Variants in ABCC8 observed in about 807,000 individuals in gnomAD.
ABCC8 encodes the protein ATP-binding cassette sub-family C member 8.
In ABCC8, 137 loss-of-function variants were observed where a neutral mutation model predicts 188.0. That is an observed-to-expected ratio of 0.73 (90% confidence interval 0.63 to 0.84). The LOEUF is 0.84. Ranked by LOEUF, ABCC8 falls within the 40% of genes least tolerant of loss-of-function variation. The pLI, the probability that ABCC8 is intolerant of heterozygous loss-of-function variation, is 0.00. For synonymous variants in ABCC8, 797 were observed against 846.5 expected (o/e 0.94, Z 1.01); for missense variants, 1,750 against 2,072.7 (o/e 0.84, Z 3.02).
chr11:17,463,565 G>A lies in ABCC8; in HGVS notation c.452C>T (p.Thr151Ile). ...VYWTLAFITK[T>I]IKFVKFLDHA... The stretch of plus-strand genomic sequence containing the variant: ...GTCCAAGAACTTGACAAACTTGATG[G>A]TCTTGGTGATGAAGGCCAGGGTCCA... Residue 151 changes from threonine to isoleucine, a missense_variant, in exon 4 of 39, where the codon ACC becomes ATC. Thr to Ile is a moderately conservative substitution (Grantham distance 89). Coordinates refer to ENST00000389817, the MANE Select transcript of ABCC8 (RefSeq NM_000352.6). The A allele has an allele frequency of 6.3e-7, 1 of 1,592,740 alleles. No homozygotes were observed. The highest frequency in any genetic ancestry group is 8.6e-7 in the Non-Finnish European group (1 of 1,169,458).
chr11:17,401,766 C>T (rs1954257455), intron 29 of ABCC8, among the ~76,000 whole-genome samples: 1 of 152,146 alleles, frequency 6.6e-6, no homozygotes, highest in African/African-American at 2.4e-5. Flanking sequence ...GAGTGGGAAA[C>T]AACAGCTTCC....
intron 4 of ABCC8, among the ~76,000 whole-genome samples, chr11:17,462,904 C>T (rs1847913188): frequency 6.6e-6 from 1 of 152,016 alleles, no homozygotes; most frequent in Non-Finnish European, 1.5e-5. Context: ...TTTAGACAGA[C>T]ACATATGGTA....
intron 28 of ABCC8, 58 bp from the exon 29 acceptor site, chr11:17,402,811 C>T: frequency 6.2e-7 from 1 of 1,601,988 alleles, no homozygotes; most frequent in East Asian, 2.2e-5. Context: ...TCGGCCTGGG[C>T]CTGAAGCCTA....
At chr11:17,397,439 C>T (rs1953997731) in intron 31 of ABCC8, 126 bp from the exon 32 acceptor site, 9 of 1,542,050 alleles carry the variant, frequency 5.8e-6, no homozygotes, top group South Asian at 1.2e-5. Context: ...CCATCCACTG[C>T]CTGCTCAGAG....
intron 6 of ABCC8, among the ~76,000 whole-genome samples, chr11:17,457,382 C>T (rs926259158): frequency 6.6e-6 from 1 of 152,088 alleles, no homozygotes; most frequent in Non-Finnish European, 1.5e-5. Flanking sequence ...ACACATACAC[C>T]CTCCCAAACC....
rs79315601 is a variant in ABCC8, at chr11:17,413,618, C to A, written c.2391-140G>T. 6.0e-4 allele frequency: 934 copies of A among 1,545,796 alleles called. 8 individuals carry two copies. The African/African-American group carries it at 0.012, about 19-fold the overall frequency. The stretch of plus-strand genomic sequence containing the variant: ...AATAGGCCTCCCGCTTGGGTGCAAG[C>A]AAACACCGTGTGAGCTTGAAAAGAG... On this transcript the variant is annotated intron_variant, in intron 19 of 38. Transcript: ENST00000389817.
chr11:17,393,574 G>A (rs559255906), intron 38 of ABCC8, 123 bp downstream of exon 38: 1 of 1,479,442 alleles, frequency 6.8e-7, no homozygotes, highest in Non-Finnish European at 9.4e-7. Context: ...TGAACTGCCT[G>A]CTTCAGGGTT....
intron 11 of ABCC8, among the ~76,000 whole-genome samples, chr11:17,431,958 AAAAG>A (rs894897450): frequency 1.3e-5 from 2 of 152,248 alleles, no homozygotes; most frequent in African/African-American, 4.8e-5. Flanking sequence ...GCTATTTTTT[AAAAG>A]AAAGTTTAAT....
intron 6 of ABCC8, among the ~76,000 whole-genome samples, chr11:17,456,842 A>G (rs1196640931): frequency 1.3e-5 from 2 of 152,182 alleles, no homozygotes; most frequent in African/African-American, 2.4e-5. Flanking sequence ...AGCACTCAAT[A>G]TATAGTAATT....
intron 19 of ABCC8, 59 bp downstream of exon 19, chr11:17,414,453 A>G: frequency 6.2e-7 from 1 of 1,601,232 alleles, no homozygotes; most frequent in Non-Finnish European, 8.6e-7. Context: ...GAACTGGGGC[A>G]GGCTGGCCAG....
At position 17,443,287 on chromosome 11, in the gene ABCC8, T is replaced by C; in HGVS notation, c.1358A>G (p.Tyr453Cys). The C allele has an allele frequency of 6.2e-7, 1 of 1,613,960 alleles. No individual in the cohort carries two copies. The highest frequency in any genetic ancestry group is 8.5e-7 in the Non-Finnish European group (1 of 1,179,990). Residue 453 changes from tyrosine (Y) to cysteine (C), a missense_variant, in exon 9 of 39, where the codon TAC becomes TGC. Transcript: ENST00000389817. ...TAAGGCACTGACTCCGAGTATGTAG[T>C]AGAGGAGAATCACACCCACAATGAT... ...VQIIVGVILL[Y>C]YILGVSALIG...
At chr11:17,397,395 G>A (rs1953995138) in intron 31 of ABCC8, 82 bp from the exon 32 acceptor site, 1 of 1,595,308 alleles carries the variant, frequency 6.3e-7, no homozygotes, top group Non-Finnish European at 8.5e-7. Flanking sequence ...TCTTAAGGCT[G>A]GAGAGGGGCC....
chr11:17,442,028 C>T (rs924620969), intron 10 of ABCC8, among the ~76,000 whole-genome samples: 8 of 151,962 alleles, frequency 5.3e-5, no homozygotes, highest in East Asian at 1.9e-4. Context: ...TGCAGTGAGC[C>T]GAGATTTTGC....
At position 17,398,362 on chromosome 11, in the gene ABCC8, T is replaced by C; in HGVS notation, c.3730A>G (p.Asn1244Asp). Reference sequence around the variant, plus strand: ...GCCATTCGGACTTCCAGCCATCTGTTGGCAGCTGTGAGGAAGAGGGAAGCA... The same window carrying C: ...GCCATTCGGACTTCCAGCCATCTGTCGGCAGCTGTGAGGAAGAGGGAAGCA... ...NIASLFLTAA[N>D]RWLEVRMEYI... The change falls in exon 30 of 39, where the codon AAC (asparagine) becomes GAC (aspartate). Residue 1244 changes from asparagine to aspartate, a missense_variant. Asn to Asp is a conservative substitution (Grantham distance 23, BLOSUM62 1). Coordinates refer to ENST00000389817, the MANE Select transcript of ABCC8 (RefSeq NM_000352.6). The C allele has an allele frequency of 6.2e-7, 1 of 1,614,194 alleles. No individual in the cohort carries two copies. Among genetic ancestry groups the C allele is most frequent in the Non-Finnish European group, 8.5e-7 (1 of 1,180,016 alleles).
At chr11:17,432,512 C>G (rs1028569733) in intron 10 of ABCC8, among the ~76,000 whole-genome samples, 1 of 152,156 alleles carries the variant, frequency 6.6e-6, no homozygotes, top group Non-Finnish European at 1.5e-5. Flanking sequence ...GTTAGCCCCA[C>G]GGGAAAGTGG....
At chr11:17,472,894 G>T (rs1848556436) in intron 2 of ABCC8, among the ~76,000 whole-genome samples, 1 of 152,114 alleles carries the variant, frequency 6.6e-6, no homozygotes, top group African/African-American at 2.4e-5. Context: ...GCAAGCCAGG[G>T]ACTATGATGC....
intron 12 of ABCC8, 57 bp downstream of exon 12, chr11:17,430,757 C>T: frequency 6.3e-7 from 1 of 1,580,620 alleles, no homozygotes; most frequent in Non-Finnish European, 8.7e-7. Flanking sequence ...TCGAGCAAGC[C>T]TTGAGGCTGA....
At chr11:17,452,985 C>T (rs999877774) in intron 7 of ABCC8, 134 bp downstream of exon 7, 23 of 909,972 alleles carry the variant, frequency 2.5e-5, no homozygotes, top group Non-Finnish European at 3.9e-5. Flanking sequence ...TGTTTTAAAA[C>T]ATCGTTAATG....
intron 2 of ABCC8, among the ~76,000 whole-genome samples, chr11:17,471,307 C>A (rs766595075): frequency 2.0e-5 from 3 of 152,176 alleles, no homozygotes; most frequent in Non-Finnish European, 4.4e-5. Flanking sequence ...GGTGGGCAAC[C>A]AAGGACAGCT....
Sources: allele counts gnomAD v4.1 joint callset (sites outside exome capture counted in the v4.1 genomes callset), GRCh38; gene constraint gnomAD v4.1.1; transcripts MANE v1.5; gene names NCBI Gene and HGNC (gene_info 2026-07-23, HGNC 2026-07-21).